CALCR: variants seen among roughly 807,000 people sequenced by gnomAD.
CALCR encodes calcitonin receptor.
In CALCR, 47 loss-of-function variants were observed where a neutral mutation model predicts 59.5. That is an observed-to-expected ratio of 0.79 (90% CI 0.63 to 1.01). The LOEUF (loss-of-function observed/expected upper bound fraction) is 1.01, where lower values mean the gene tolerates loss of function less well. Among genes scored for constraint, CALCR ranks in the 50% least tolerant of loss-of-function variants. The pLI is 0.00. For synonymous variants in CALCR, 213 were observed against 211.3 expected, an observed-to-expected ratio of 1.01 and a Z score of -0.07; for missense variants, 566 against 597.1, an observed-to-expected ratio of 0.95 and a Z score of 0.54.
intron 7 of CALCR, 88 bp downstream of exon 7, chr7:93,468,627 C>A: frequency 2.4e-6 from 2 of 849,626 alleles, no homozygotes; most frequent in South Asian, 3.3e-5. Context: ...GCTGAAGACC[C>A]TTCCCCACCT....
chr7:93,476,724 C>T (rs935436211), intron 5 of CALCR, among the ~76,000 whole-genome samples: 18 of 151,962 alleles, frequency 1.2e-4, no homozygotes, highest in African/African-American at 4.3e-4. Flanking sequence ...CAAGTAACTT[C>T]TAATGTAGTT....
At chr7:93,454,516 A>G (rs1005910518) in intron 8 of CALCR, among the ~76,000 whole-genome samples, 6 of 152,056 alleles carry the variant, frequency 3.9e-5, no homozygotes, top group Admixed American at 3.3e-4. Flanking sequence ...CTAAAAAATG[A>G]CAAGTATCCT....
chr7:93,522,194 C>T (rs1339218347), intron 2 of CALCR, among the ~76,000 whole-genome samples: 1 of 151,810 alleles, frequency 6.6e-6, no homozygotes, highest in Non-Finnish European at 1.5e-5. Context: ...AATTGAGTAT[C>T]CAATATTTTA....
At chr7:93,527,121 G>T (rs1349612864) in intron 2 of CALCR, among the ~76,000 whole-genome samples, 1 of 151,702 alleles carries the variant, frequency 6.6e-6, no homozygotes, top group Non-Finnish European at 1.5e-5. Flanking sequence ...AAAGTTTTTA[G>T]TAGAACTTCA....
At chr7:93,482,698 C>T in intron 3 of CALCR, 1 of 501,936 alleles carries the variant, frequency 2.0e-6, no homozygotes, top group South Asian at 1.5e-5. Context: ...GTTTTAACAT[C>T]AGTAACAGTG....
At chr7:93,459,504 A>C (rs1295031328) in intron 8 of CALCR, among the ~76,000 whole-genome samples, 2 of 152,156 alleles carry the variant, frequency 1.3e-5, no homozygotes, top group Non-Finnish European at 2.9e-5. Flanking sequence ...CAGAGCCTCA[A>C]GGTGCTCCTC....
chr7:93,573,490 C>A (rs961953838), intron 2 of CALCR, among the ~76,000 whole-genome samples: 1 of 152,138 alleles, frequency 6.6e-6, no homozygotes, highest in Non-Finnish European at 1.5e-5. Flanking sequence ...TGAAACCCTG[C>A]GTTCTCTTCT....
chr7:93,534,904 T>G (rs1788946891), intron 2 of CALCR, among the ~76,000 whole-genome samples: 1 of 151,712 alleles, frequency 6.6e-6, no homozygotes, highest in South Asian at 2.1e-4. Context: ...TTATACTAGG[T>G]GTTTTATGTA....
In CALCR at chr7:93,518,283, T is replaced by C. The variant is rs552231604; in HGVS notation, c.-26-31276A>G. Among the ~76,000 whole-genome samples, 4 of 151,596 alleles carry C rather than the reference T, an allele frequency of 2.6e-5. No homozygotes were observed. In the East Asian group the frequency reaches 7.7e-4, roughly 29 times the overall value. ...AACTGGGAAAAATATTCACAACATATGTGACAGAAAGTAGTTAAATTCCTA... is the reference window on the plus strand; with the variant it reads ...AACTGGGAAAAATATTCACAACATACGTGACAGAAAGTAGTTAAATTCCTA... On this transcript the variant is annotated intron_variant, in intron 2 of 13. Transcript: ENST00000426151.
In CALCR at chr7:93,479,425, C is replaced by T. The variant is rs773160307; in HGVS notation, c.134G>A (p.Arg45Gln). Residue 45 changes from arginine (R) to glutamine (Q), a missense_variant, in exon 4 of 14, where the codon CGA (arginine) becomes CAA (glutamine). Physicochemically the swap from Arg to Gln is conservative, Grantham distance 43. Transcript: ENST00000426151. ...EPKPFLYVVG[R>Q]KKMMDAQYKC... ...GTACTGTGCATCCATCATCTTCTTT[C>T]GTCCTACGACGTAAAGAAATGGCTT... The T allele has an allele frequency of 2.0e-5, 32 of 1,612,486 alleles. 1 individual carries two copies. The highest frequency in any genetic ancestry group is 1.2e-4 in the Admixed American group (7 of 59,856).
intron 2 of CALCR, among the ~76,000 whole-genome samples, chr7:93,563,887 A>G (rs879312283): frequency 1.3e-5 from 2 of 152,146 alleles, no homozygotes; most frequent in Non-Finnish European, 2.9e-5. Flanking sequence ...CAGTTTCCTT[A>G]TGAGTAAGAG....
intron 2 of CALCR, among the ~76,000 whole-genome samples, chr7:93,568,218 G>A (rs1371353717): frequency 1.3e-5 from 2 of 152,052 alleles, no homozygotes; most frequent in Non-Finnish European, 2.9e-5. Context: ...ACGCTGTCCA[G>A]GAAAGGCTAA....
At chr7:93,505,860 C>T (rs1218035797) in intron 2 of CALCR, among the ~76,000 whole-genome samples, 1 of 152,112 alleles carries the variant, frequency 6.6e-6, no homozygotes, top group Non-Finnish European at 1.5e-5. Context: ...TTTGCCAGCC[C>T]CGTGTACAGG....
At chr7:93,563,268 A>G (rs985827551) in intron 2 of CALCR, among the ~76,000 whole-genome samples, 13 of 152,166 alleles carry the variant, frequency 8.5e-5, no homozygotes, top group African/African-American at 1.2e-4. Flanking sequence ...TTTTTAGCCT[A>G]ATTAAAATTC....
At chr7:93,564,625 T>C (rs1340557739) in intron 2 of CALCR, among the ~76,000 whole-genome samples, 1 of 152,098 alleles carries the variant, frequency 6.6e-6, no homozygotes, top group African/African-American at 2.4e-5. Context: ...GCTAATTTTT[T>C]GTATTTTTAG....
At chr7:93,484,063 G>A (rs772516268) in intron 3 of CALCR, 4 of 484,686 alleles carry the variant, frequency 8.3e-6, no homozygotes, top group Non-Finnish European at 1.3e-5. Context: ...GTTTTTTTCA[G>A]TCGACAAATA....
chr7:93,435,798 T>A (rs1282767330), intron 12 of CALCR, among the ~76,000 whole-genome samples, 154 bp downstream of exon 12: 1 of 129,514 alleles, frequency 7.7e-6, no homozygotes. Context: ...AGAGCGAGAC[T>A]CTGTGTCAAA....
At chr7:93,437,139 CAT>C (rs1799798491) in intron 11 of CALCR, among the ~76,000 whole-genome samples, 1 of 151,938 alleles carries the variant, frequency 6.6e-6, no homozygotes, top group Non-Finnish European at 1.5e-5. Context: ...GTGAAGTATG[CAT>C]ATACTCAACT....
At chr7:93,435,831 TAAATA>T (rs1799764735) in intron 12 of CALCR, 116 bp downstream of exon 12, 3 of 336,104 alleles carry the variant, frequency 8.9e-6, no homozygotes, top group Middle Eastern at 8.4e-4. Context: ...AAATAATAAA[TAAATA>T]AATAAATAAA....
Sources: allele counts gnomAD v4.1 joint callset (sites outside exome capture counted in the v4.1 genomes callset), GRCh38; gene constraint gnomAD v4.1.1; transcripts MANE v1.5; gene names NCBI Gene and HGNC (gene_info 2026-07-23, HGNC 2026-07-21).